The following VCL variants were observed in gnomAD, a reference collection of about 807,000 sequenced individuals.
The protein encoded by VCL is vinculin.
VCL carries 47 observed loss-of-function variants against 125.7 expected under a neutral mutation model. The ratio of observed to expected loss-of-function variants is 0.37; its 90% CI spans 0.30 to 0.48. The LOEUF (loss-of-function observed/expected upper bound fraction) is 0.48. Ranked by LOEUF, VCL falls within the 20% of genes least tolerant of loss-of-function variation. The pLI, the probability that VCL is intolerant of heterozygous loss-of-function variation, is 0.99. For missense variants in VCL, 1,069 were observed against 1,455.5 expected (o/e 0.73, Z 4.32); for synonymous variants, 458 against 514.6 (o/e 0.89, Z 1.49).
At chr10:74,039,886 C>G (rs1841061406) in intron 1 of VCL, among the ~76,000 whole-genome samples, 1 of 152,254 alleles carries the variant, frequency 6.6e-6, no homozygotes, top group South Asian at 2.1e-4. Context: ...CTAAAAGGCT[C>G]TTTATGATCT....
At chr10:74,095,145 C>T (rs1839946994) in intron 11 of VCL, among the ~76,000 whole-genome samples, 1 of 152,078 alleles carries the variant, frequency 6.6e-6, no homozygotes, top group Non-Finnish European at 1.5e-5. Flanking sequence ...AATTAGAGAT[C>T]TTTCTAAGAA....
At chr10:74,002,125 TG>T (rs1378989747) in intron 1 of VCL, among the ~76,000 whole-genome samples, 4 of 152,166 alleles carry the variant, frequency 2.6e-5, no homozygotes, top group South Asian at 4.1e-4. Context: ...GATACTGAAT[TG>T]GAAGTCTTTT....
intron 2 of VCL, among the ~76,000 whole-genome samples, chr10:74,043,842 T>A (rs1049735723): frequency 1.3e-5 from 2 of 151,588 alleles, no homozygotes; most frequent in African/African-American, 4.8e-5. Flanking sequence ...GCGTGGTGGC[T>A]CATGCCTGTC....
chr10:74,110,078 T>G (rs1186003908), intron 18 of VCL, among the ~76,000 whole-genome samples: 1 of 152,132 alleles, frequency 6.6e-6, no homozygotes, highest in African/African-American at 2.4e-5. Context: ...TAACTCTGTA[T>G]TTTGCTGAAC....
In VCL at chr10:74,114,324, T is replaced by G. The variant is rs779689114; in HGVS notation, c.3090T>G (p.Thr1030=). The G allele has an allele frequency of 3.1e-6, 5 of 1,613,862 alleles. No individual in the cohort carries two copies. The highest frequency in any genetic ancestry group is 4.2e-6 in the Non-Finnish European group (5 of 1,180,004). The change falls in exon 20 of 22, where the codon ACT becomes ACG. Residue 1030 remains threonine, a synonymous_variant. Transcript: ENST00000211998. The part of the protein sequence containing the change: ...KDIAKASDEV[T]RLAKEVAKQC... Reference sequence around the variant, plus strand: ...TCGCCAAGGCCTCAGATGAGGTGACTCGGTTGGCCAAGGAGGTTGCCAAGC... The same window carrying G: ...TCGCCAAGGCCTCAGATGAGGTGACGCGGTTGGCCAAGGAGGTTGCCAAGC...
chr10:74,096,008 AT>A (rs1342173582), intron 12 of VCL, among the ~76,000 whole-genome samples, 153 bp downstream of exon 12: 1 of 152,198 alleles, frequency 6.6e-6, no homozygotes, highest in Non-Finnish European at 1.5e-5. Flanking sequence ...TCTAGAGCTT[AT>A]TAGGAAAAAG....
At chr10:74,021,878 C>A (rs1176069933) in intron 1 of VCL, among the ~76,000 whole-genome samples, 2 of 151,870 alleles carry the variant, frequency 1.3e-5, no homozygotes, top group Non-Finnish European at 2.9e-5. Context: ...CCTTTTACAT[C>A]TTTTTTCTTC....
At chr10:74,032,240 TAAAAAAA>T (rs770412004) in intron 1 of VCL, among the ~76,000 whole-genome samples, 7 of 75,998 alleles carry the variant, frequency 9.2e-5, no homozygotes, top group Non-Finnish European at 2.0e-4. Flanking sequence ...TGTTTCAGAA[TAAAAAAA>T]AAAAAAAAAA....
chr10:74,062,917 T>G (rs1213873418), intron 2 of VCL, among the ~76,000 whole-genome samples: 3 of 152,092 alleles, frequency 2.0e-5, no homozygotes, highest in Admixed American at 2.0e-4. Flanking sequence ...ATATAAAAAT[T>G]AGCCAGCTGT....
In VCL at chr10:74,108,943, T is replaced by G. The variant is rs373260560; in HGVS notation, c.2560-28T>G. The G allele has an allele frequency of 3.2e-5, 51 of 1,613,664 alleles. No homozygotes were observed. The African/African-American group carries it at 4.0e-4, about 13-fold the overall frequency. On this transcript the variant is annotated intron_variant, in intron 17 of 21. Coordinates refer to ENST00000211998, the MANE Select transcript of VCL (RefSeq NM_014000.3). ...CCAGGGGGGAGTAGTTTTAGGACTT[T>G]ACTTACAACTTGTTTTCTCTTTTTT... is the stretch of plus-strand genomic sequence containing the variant.
At chr10:74,039,846 G>A (rs1282730729) in intron 1 of VCL, among the ~76,000 whole-genome samples, 1 of 152,162 alleles carries the variant, frequency 6.6e-6, no homozygotes, top group Non-Finnish European at 1.5e-5. Flanking sequence ...CTATTGTACT[G>A]ATAAACGATT....
chr10:74,020,840 C>CAAAAAA (rs567412270), intron 1 of VCL, among the ~76,000 whole-genome samples: 8,529 of 66,364 alleles, frequency 0.13, 1,634 homozygotes, highest in African/African-American at 0.29. Context: ...GACCTTGTCT[C>CAAAAAA]AAAAAAAAAA....
At chr10:74,009,510 C>T (rs1429210382) in intron 1 of VCL, among the ~76,000 whole-genome samples, 2 of 152,126 alleles carry the variant, frequency 1.3e-5, no homozygotes, top group Non-Finnish European at 1.5e-5. Context: ...CTGCCTGCCT[C>T]AGCCTCCCAA....
chr10:74,046,179 A>T (rs182228650), intron 2 of VCL, among the ~76,000 whole-genome samples: 3 of 152,056 alleles, frequency 2.0e-5, no homozygotes, highest in East Asian at 3.9e-4. Flanking sequence ...GGACTTGGTG[A>T]TCTCAAGGTT....
rs182684773 is a variant in VCL, at chr10:74,042,127, C to T, written c.169-956C>T. On this transcript the variant is annotated intron_variant, in intron 1 of 21. Transcript: ENST00000211998. ...CATGTGGATTTTTTTTGGTGTTGTA[C>T]TCATAATGTATATTTCTTCTTTTAA... Among the ~76,000 whole-genome samples the T allele has an allele frequency of 2.0e-3, 304 of 152,172 alleles. 3 individuals carry two copies. The highest frequency in any genetic ancestry group is 7.2e-3 in the African/African-American group (298 of 41,522).
intron 1 of VCL, among the ~76,000 whole-genome samples, chr10:74,000,040 GC>G (rs1298028528): frequency 6.6e-6 from 1 of 152,162 alleles, no homozygotes; most frequent in Admixed American, 6.5e-5. Flanking sequence ...TTGGAACAGA[GC>G]TAGTGTAGTC....
intron 1 of VCL, among the ~76,000 whole-genome samples, chr10:74,009,032 T>G (rs914961235): frequency 6.6e-6 from 1 of 152,156 alleles, no homozygotes; most frequent in Admixed American, 6.5e-5. Flanking sequence ...AAGTCTGTAA[T>G]AAGACTGAAA....
intron 2 of VCL, among the ~76,000 whole-genome samples, chr10:74,049,093 C>T (rs910799773): frequency 7.9e-5 from 12 of 151,600 alleles, no homozygotes; most frequent in African/African-American, 2.9e-4. Flanking sequence ...GGCGACAGAG[C>T]GAGACTCCAT....
At chr10:74,039,327 C>A (rs1278317921) in intron 1 of VCL, among the ~76,000 whole-genome samples, 2 of 138,456 alleles carry the variant, frequency 1.4e-5, no homozygotes, top group African/African-American at 2.7e-5. Flanking sequence ...CAATTCTATT[C>A]TTTTCTCCAT....
Sources: allele counts gnomAD v4.1 joint callset (sites outside exome capture counted in the v4.1 genomes callset), GRCh38; gene constraint gnomAD v4.1.1; transcripts MANE v1.5; gene names NCBI Gene and HGNC (gene_info 2026-07-23, HGNC 2026-07-21).